CREB3L2: variants seen among roughly 807,000 people sequenced by gnomAD.
CREB3L2 encodes the protein cAMP responsive element binding protein 3 like 2, also known as cyclic AMP-responsive element-binding protein 3-like protein 2.
A neutral mutation model predicts 57.2 loss-of-function variants in CREB3L2; 23 were observed. The ratio of observed to expected loss-of-function variants is 0.40; its 90% CI spans 0.29 to 0.57. The LOEUF is 0.57. Ranked by LOEUF, CREB3L2 falls within the 20% of genes least tolerant of loss-of-function variation. The pLI is 0.42. For synonymous variants in CREB3L2, 268 were observed against 265.1 expected, an observed-to-expected ratio of 1.01 and a Z score of -0.11; for missense variants, 628 against 634.7, an observed-to-expected ratio of 0.99 and a Z score of 0.11.
chr7:137,968,014 A>T (rs1421564150), intron 1 of CREB3L2, among the ~76,000 whole-genome samples: 1 of 152,234 alleles, frequency 6.6e-6, no homozygotes, highest in Admixed American at 6.5e-5. Context: ...AGCACACAAG[A>T]CTTAGGGAGT....
intron 2 of CREB3L2, among the ~76,000 whole-genome samples, chr7:137,922,395 T>TATATATATAC (rs1800317849): frequency 5.0e-5 from 1 of 20,148 alleles, no homozygotes; most frequent in Non-Finnish European, 7.8e-5. Context: ...TATATATATA[T>TATATATATAC]ATATATATAT....
Position 137,882,530 on chromosome 7 carries a change from A to G in CREB3L2, c.1369T>C (p.Ser457Pro), listed in dbSNP as rs762651648. The G allele has an allele frequency of 5.0e-6, 8 of 1,613,718 alleles. No individual in the cohort carries two copies. Among genetic ancestry groups the G allele is most frequent in the Non-Finnish European group, 6.8e-6 (8 of 1,179,776 alleles). ...AGELGGWDRGSSLLRVSGLES... is the reference protein window; with the variant it reads ...AGELGGWDRGPSLLRVSGLES... ...AGCCCTGACACCCTGAGCAGGGAGG[A>G]ACCTCTATCCCAGCCCCCCAGCTCC... The change falls in exon 11 of 12, where the codon TCC (serine) becomes CCC (proline). Residue 457 changes from serine (S) to proline (P), a missense_variant. Physicochemically the swap from Ser to Pro is moderately conservative, Grantham distance 74. Transcript: ENST00000330387.
In CREB3L2 at chr7:137,882,431, A is replaced by C; in HGVS notation, c.1468T>G (p.Leu490Val). Residue 490 changes from leucine (L) to valine (V), a missense_variant, in exon 11 of 12, where the codon TTG (leucine) becomes GTG (valine). Leu to Val is a conservative substitution (Grantham distance 32, BLOSUM62 1). Around this residue, in one of 3 missense-constraint regions of CREB3L2, gnomAD observed 272 missense variants for 242.7 expected, o/e 1.12. Coordinates refer to ENST00000330387, the MANE Select transcript of CREB3L2 (RefSeq NM_194071.4). ...NETSLEKSVLLELQQHLVSAK... is the reference protein window; with the variant it reads ...NETSLEKSVLVELQQHLVSAK... ...ACTCACAGGTGCTGCTGCAGCTCCA[A>C]AAGCACTGACTTCTCCAGGCTGGTC... 1 of 1,613,504 alleles carries C rather than the reference A, an allele frequency of 6.2e-7. No homozygotes were observed. The highest frequency in any genetic ancestry group is 8.5e-7 in the Non-Finnish European group (1 of 1,179,528).
intron 1 of CREB3L2, among the ~76,000 whole-genome samples, chr7:137,968,864 G>A (rs1221505810): frequency 6.6e-6 from 1 of 152,156 alleles, no homozygotes; most frequent in African/African-American, 2.4e-5. Flanking sequence ...CAGCACATAA[G>A]AACAAGTCTT....
intron 1 of CREB3L2, among the ~76,000 whole-genome samples, chr7:137,942,393 T>C (rs1186894356): frequency 1.3e-5 from 2 of 152,204 alleles, no homozygotes; most frequent in Admixed American, 6.5e-5. Flanking sequence ...GCCACAGTCC[T>C]GTCATCCCTT....
intron 8 of CREB3L2, among the ~76,000 whole-genome samples, chr7:137,887,242 G>A (rs1349349077): frequency 1.3e-5 from 2 of 152,010 alleles, no homozygotes; most frequent in African/African-American, 4.8e-5. Flanking sequence ...ATTTTTCCTG[G>A]GCTTACATCT....
intron 2 of CREB3L2, among the ~76,000 whole-genome samples, chr7:137,923,286 A>G (rs560879996): frequency 6.6e-6 from 1 of 152,364 alleles, no homozygotes; most frequent in African/African-American, 2.4e-5. Flanking sequence ...AAAAAATAAA[A>G]AGGGGAAACA....
chr7:137,995,694 T>C lies in CREB3L2; in HGVS notation c.102+5910A>G, dbSNP rs186700997. Among the ~76,000 whole-genome samples the C allele has an allele frequency of 2.8e-3, 433 of 152,334 alleles. 2 individuals carry two copies. The highest frequency in any genetic ancestry group is 4.0e-3 in the Non-Finnish European group (271 of 68,038). The stretch of plus-strand genomic sequence containing the variant: ...AATTTACTTACTGTATGAGCCGATC[T>C]GAATCCATTTTCAGTTACTTCTAGC... On this transcript the variant is annotated intron_variant, in intron 1 of 11. Transcript: ENST00000330387.
At chr7:137,907,267 A>C (rs1004671318) in intron 5 of CREB3L2, among the ~76,000 whole-genome samples, 1 of 152,180 alleles carries the variant, frequency 6.6e-6, no homozygotes, top group Non-Finnish European at 1.5e-5. Flanking sequence ...AGTAACAGGG[A>C]AATACAACAT....
chr7:137,894,133 T>C (rs1445381897), intron 8 of CREB3L2, among the ~76,000 whole-genome samples: 2 of 152,188 alleles, frequency 1.3e-5, no homozygotes, highest in Non-Finnish European at 2.9e-5. Flanking sequence ...TCAAGGTTGT[T>C]ATGAAGCTGG....
intron 1 of CREB3L2, 53 bp from the exon 2 acceptor site, chr7:137,928,419 G>C (rs1800530741): frequency 7.1e-7 from 1 of 1,401,002 alleles, no homozygotes. Flanking sequence ...TAATGTGACA[G>C]ATACCCTACG....
chr7:137,899,147 A>AGGAAGGAAGGAAGGAAGGAG (rs1563244072), intron 8 of CREB3L2, among the ~76,000 whole-genome samples: 1 of 149,156 alleles, frequency 6.7e-6, no homozygotes, highest in Non-Finnish European at 1.5e-5. Flanking sequence ...GAAGGAAGGA[A>AGGAAGGAAGGAAGGAAGGAG]GGAAGGAAGG....
At chr7:137,990,139 T>C (rs547888579) in intron 1 of CREB3L2, among the ~76,000 whole-genome samples, 3 of 152,318 alleles carry the variant, frequency 2.0e-5, no homozygotes, top group African/African-American at 7.2e-5. Flanking sequence ...AAACCTCTCA[T>C]GATCTTGTGG....
intron 1 of CREB3L2, among the ~76,000 whole-genome samples, chr7:137,930,724 A>G (rs1245436069): frequency 6.6e-6 from 1 of 152,178 alleles, no homozygotes; most frequent in Non-Finnish European, 1.5e-5. Flanking sequence ...ATTGTCTATG[A>G]GAACAAGAGA....
At chr7:137,895,642 C>CA (rs759902698) in intron 8 of CREB3L2, among the ~76,000 whole-genome samples, 23 of 111,888 alleles carry the variant, frequency 2.1e-4, no homozygotes, top group Non-Finnish European at 2.2e-4. Flanking sequence ...GAGTCCAGTA[C>CA]AAAAAAAAAA....
chr7:137,986,485 C>G (rs1449711855), intron 1 of CREB3L2, among the ~76,000 whole-genome samples: 1 of 152,220 alleles, frequency 6.6e-6, no homozygotes, highest in Non-Finnish European at 1.5e-5. Context: ...TGACACAAAG[C>G]ACCATGCAGA....
rs1052509969 is a variant in CREB3L2, at chr7:137,970,776, C to G, written c.102+30828G>C. Among the ~76,000 whole-genome samples, 6 of 152,290 alleles carry G rather than the reference C, an allele frequency of 3.9e-5. No homozygotes were observed. In the South Asian group the frequency reaches 1.2e-3, roughly 32 times the overall value. ...ACATTCCATAGGGCTGGACAGCAGG[C>G]GTGGGGCCAGCAACCGTTAAACACA... On this transcript the variant is annotated intron_variant, in intron 1 of 11. Transcript: ENST00000330387.
chr7:137,933,406 A>G (rs273978), intron 1 of CREB3L2, among the ~76,000 whole-genome samples: 107,488 of 151,964 alleles, frequency 0.71, 39,084 homozygotes, highest in African/African-American at 0.88. Flanking sequence ...AGGTTGGCGC[A>G]CTCTGCTGAC....
chr7:137,999,215 T>C (rs1258461687), intron 1 of CREB3L2, among the ~76,000 whole-genome samples: 1 of 152,210 alleles, frequency 6.6e-6, no homozygotes, highest in African/African-American at 2.4e-5. Context: ...AGATCCATTT[T>C]CTATGGGAAG....
Sources: allele counts gnomAD v4.1 joint callset (sites outside exome capture counted in the v4.1 genomes callset), GRCh38; gene constraint gnomAD v4.1.1; regional missense constraint gnomAD v4.1.1; transcripts MANE v1.5; gene names NCBI Gene and HGNC (gene_info 2026-07-23, HGNC 2026-07-21).